SLC17A1: variants seen among roughly 807,000 people sequenced by gnomAD.
SLC17A1 encodes solute carrier family 17 member 1.
A neutral mutation model predicts 53.5 loss-of-function variants in SLC17A1; 51 were observed. The observed-to-expected ratio is 0.95, with a 90% confidence interval of 0.76 to 1.20. SLC17A1 has a LOEUF of 1.20. Among genes scored for constraint, SLC17A1 ranks in the 50% most tolerant of loss-of-function variants. The pLI, the probability that SLC17A1 is intolerant of heterozygous loss-of-function variation, is 0.00. For missense variants in SLC17A1, 538 were observed against 568.2 expected (o/e 0.95, Z 0.54); for synonymous variants, 179 against 198.8 (o/e 0.90, Z 0.84).
chr6:25,803,937 ATTTG>A (rs1763869549), intron 10 of SLC17A1, among the ~76,000 whole-genome samples: 1 of 152,098 alleles, frequency 6.6e-6, no homozygotes, highest in Admixed American at 6.5e-5. Context: ...AAGGTAAATA[ATTTG>A]TTTGATATAA....
chr6:25,808,354 G>A (rs1764030389), intron 10 of SLC17A1, among the ~76,000 whole-genome samples: 1 of 151,876 alleles, frequency 6.6e-6, no homozygotes, highest in African/African-American at 2.4e-5. Flanking sequence ...GGAGAAAATG[G>A]GAGGACGGGC....
intron 10 of SLC17A1, among the ~76,000 whole-genome samples, chr6:25,803,123 T>C (rs1395429199): frequency 6.6e-6 from 1 of 151,630 alleles, no homozygotes; most frequent in Non-Finnish European, 1.5e-5. Context: ...ATTTTTTGTA[T>C]TTTTAGTAGA....
the SLC17A1 span, chr6:25,731,858 C>A: frequency 6.2e-7 from 1 of 1,602,854 alleles, no homozygotes. Flanking sequence ...CCCCAGGCAG[C>A]AGCAGGCGCA....
intron 12 of SLC17A1, among the ~76,000 whole-genome samples, chr6:25,788,053 C>G (rs553333351): frequency 1.3e-5 from 2 of 152,164 alleles, no homozygotes; most frequent in African/African-American, 4.8e-5. Flanking sequence ...TCTGTAACAC[C>G]CTTGGCCCTT....
the SLC17A1 span, among the ~76,000 whole-genome samples, chr6:25,748,128 A>G: frequency 6.6e-6 from 1 of 152,194 alleles, no homozygotes; most frequent in Non-Finnish European, 1.5e-5. Flanking sequence ...GTCTTGTTTC[A>G]TGATGAAAAA....
At chr6:25,733,812 G>T in the SLC17A1 span, among the ~76,000 whole-genome samples, 1 of 117,784 alleles carries the variant, frequency 8.5e-6, no homozygotes, top group African/African-American at 3.0e-5. Context: ...GTGTATGTGT[G>T]TGTGTGTGTG....
the SLC17A1 span, chr6:25,726,982 A>G: frequency 1.2e-6 from 2 of 1,614,088 alleles, no homozygotes; most frequent in Non-Finnish European, 1.7e-6. Context: ...AAGACCCAGA[A>G]AAAGGAAGGC....
intron 11 of SLC17A1, among the ~76,000 whole-genome samples, chr6:25,800,212 A>G (rs1054271738): frequency 2.0e-5 from 3 of 151,846 alleles, no homozygotes; most frequent in African/African-American, 7.3e-5. Flanking sequence ...TGGCTTTAGG[A>G]TGTTATCTCT....
intron 10 of SLC17A1, among the ~76,000 whole-genome samples, chr6:25,810,445 G>A (rs556072229): frequency 2.2e-4 from 33 of 152,068 alleles, no homozygotes; most frequent in African/African-American, 7.2e-4. Flanking sequence ...AATGGGCAAA[G>A]GACCTGAATA....
the SLC17A1 span, chr6:25,773,324 T>C: frequency 2.4e-5 from 38 of 1,613,888 alleles, 1 homozygote; most frequent in Middle Eastern, 1.6e-4. Flanking sequence ...TCATTTATGA[T>C]GATCCTGTGA....
the SLC17A1 span, chr6:25,727,210 G>T: frequency 6.2e-7 from 1 of 1,613,996 alleles, no homozygotes; most frequent in Non-Finnish European, 8.5e-7. Context: ...ACAGCAGTGC[G>T]CTTGCTACTG....
the SLC17A1 span, chr6:25,773,238 C>G: frequency 6.6e-7 from 1 of 1,505,446 alleles, no homozygotes; most frequent in Non-Finnish European, 9.2e-7. Flanking sequence ...AGAAGTACTT[C>G]AATCCATCCA....
chr6:25,797,781 G>A (rs1477323340), intron 12 of SLC17A1, among the ~76,000 whole-genome samples: 2 of 152,000 alleles, frequency 1.3e-5, no homozygotes, highest in East Asian at 3.9e-4. Context: ...TGTATGTTTA[G>A]TAGAGCCGGG....
chr6:25,732,102 C>T, the SLC17A1 span: 3,168 of 907,086 alleles, frequency 3.5e-3, 45 homozygotes, highest in African/African-American at 0.027. Context: ...CGAGTTTTAG[C>T]AACTGCCTTC....
chr6:25,775,130 G>A, the SLC17A1 span, among the ~76,000 whole-genome samples: 1 of 152,080 alleles, frequency 6.6e-6, no homozygotes, highest in African/African-American at 2.4e-5. Flanking sequence ...AGGTGTTTGA[G>A]ACCAGCCTGG....
intron 6 of SLC17A1, 137 bp downstream of exon 6, chr6:25,818,931 G>T: frequency 3.3e-6 from 2 of 599,060 alleles, no homozygotes; most frequent in Non-Finnish European, 5.8e-6. Flanking sequence ...AATGAGTATT[G>T]ACTTCTCTCT....
chr6:25,778,783 G>A (rs1485109441), downstream of SLC17A1, among the ~76,000 whole-genome samples: 1 of 152,214 alleles, frequency 6.6e-6, no homozygotes, highest in Non-Finnish European at 1.5e-5. Context: ...GTAATCACTT[G>A]CTTAAAAAGA....
intron 8 of SLC17A1, among the ~76,000 whole-genome samples, chr6:25,812,345 C>T (rs1167070365): frequency 6.6e-6 from 1 of 152,108 alleles, no homozygotes; most frequent in South Asian, 2.1e-4. Flanking sequence ...GGAGTTTGCC[C>T]GTATCAGTGA....
rs148313139 is a variant in SLC17A1, at chr6:25,811,517, G to A, written c.1059C>T (p.Val353=). ...AGGTGGAACTCAGGTAAGGCAGGCAGACACCAAAGATTGCAGGAAGGAGAA... is the reference window on the plus strand; with the variant it reads ...AGGTGGAACTCAGGTAAGGCAGGCAAACACCAAAGATTGCAGGAAGGAGAA... The part of the protein sequence containing the change: ...AGFLLPAIFG[V]CLPYLSSTFY... Residue 353 remains valine, a synonymous_variant, in exon 10 of 13, where the codon GTC becomes GTT. Transcript: ENST00000244527. 1 of 1,613,838 alleles carries A rather than the reference G, an allele frequency of 6.2e-7. No homozygotes were observed. The highest frequency in any genetic ancestry group is 1.3e-5 in the African/African-American group (1 of 74,908).
Sources: allele counts gnomAD v4.1 joint callset (sites outside exome capture counted in the v4.1 genomes callset), GRCh38; gene constraint gnomAD v4.1.1; transcripts MANE v1.5; gene names NCBI Gene and HGNC (gene_info 2026-07-23, HGNC 2026-07-21).